Variants in SLC66A2 observed in about 807,000 individuals in gnomAD.
The protein encoded by SLC66A2 is PQ loop repeat containing 1.
Under a neutral mutation model 25.5 loss-of-function variants are expected in SLC66A2, and 23 were observed. The observed-to-expected ratio is 0.90, with a 90% CI of 0.65 to 1.28. The LOEUF (loss-of-function observed/expected upper bound fraction) is 1.28, where lower values mean the gene tolerates loss of function less well. SLC66A2 is among the 50% of genes most tolerant of loss of function. The probability of loss-of-function intolerance (pLI) is 0.00; values close to 1 mark genes in which losing one functional copy is unlikely to be tolerated. For synonymous variants in SLC66A2, 193 were observed against 166.5 expected, an observed-to-expected ratio of 1.16 and a Z score of -1.23; for missense variants, 396 against 373.1, an observed-to-expected ratio of 1.06 and a Z score of -0.51.
rs759347267 is a variant in SLC66A2 at position 79,919,353 on chromosome 18, C to T, written c.439G>A (p.Val147Met). Residue 147 changes from valine to methionine, a missense_variant, in exon 5 of 6, where the codon GTG (valine) becomes ATG (methionine). Coordinates refer to ENST00000397778, the MANE Select transcript of SLC66A2 (RefSeq NM_025078.5). ...CCCGTGAAGGCCAGGACGCACTGCACGTAGTCCGAGAAGCTGCTCCACTGC... is the reference window on the plus strand; with the variant it reads ...CCCGTGAAGGCCAGGACGCACTGCATGTAGTCCGAGAAGCTGCTCCACTGC... ...FWQWSSFSDY[V>M]QCVLAFTGVA... is the part of the protein sequence containing the mutation. 9 of 1,613,122 alleles carry T rather than the reference C, an allele frequency of 5.6e-6. No homozygotes were observed. Among genetic ancestry groups the T allele is most frequent in the Admixed American group, 3.3e-5 (2 of 60,012 alleles).
At chr18:79,947,809 G>A (rs975847915) in intron 2 of SLC66A2, among the ~76,000 whole-genome samples, 3 of 150,242 alleles carry the variant, frequency 2.0e-5, no homozygotes, top group South Asian at 2.1e-4. Context: ...ACAAAGCCTG[G>A]AGAGGGGAAG....
Position 79,950,737 on chromosome 18 carries a change from G to A in SLC66A2, c.190C>T (p.Arg64Trp). Residue 64 changes from arginine to tryptophan, a missense_variant, in exon 2 of 6, where the codon CGG becomes TGG. By Grantham distance (101) the Arg-to-Trp change is moderately radical. Transcript: ENST00000397778. Reference sequence around the variant, plus strand: ...CCCCCAACTTACCAGAAGAGTATCCGCAAAATGTTGGCCACCAGCAGCACC... The same window carrying A: ...CCCCCAACTTACCAGAAGAGTATCCACAAAATGTTGGCCACCAGCAGCACC... ...CLVLLVANILRILFWFGRRFE... is the reference protein window; with the variant it reads ...CLVLLVANILWILFWFGRRFE... The A allele has an allele frequency of 6.2e-7, 1 of 1,613,166 alleles. No homozygotes were observed. The highest frequency in any genetic ancestry group is 8.5e-7 in the Non-Finnish European group (1 of 1,179,938).
In SLC66A2 at chr18:79,903,773, T is replaced by G; in HGVS notation, c.*203A>C. On this transcript the variant is annotated 3_prime_UTR_variant, in exon 6 of 6. Transcript: ENST00000397778. ...CCCTCGGGGCCAGATCAACCCTGGC[T>G]GTCCCCGCTGAGCACAAACAGCGTC... 1.8e-6 allele frequency: 1 copy of G among 551,200 alleles called. No homozygotes were observed. Among genetic ancestry groups the G allele is most frequent in the Non-Finnish European group, 3.2e-6 (1 of 316,972 alleles). 34.1% of individuals were successfully genotyped at this position (551,200 alleles called of 1,614,324 possible). A position where few individuals can be genotyped will look rare whatever the true frequency, so the allele number is the denominator to read the frequency against.
At position 79,941,204 on chromosome 18, in the gene SLC66A2, G is replaced by A. The variant is rs760713332; in HGVS notation, c.337+2125C>T. 2.2e-4 allele frequency among the ~76,000 whole-genome samples: 33 copies of A among 152,166 alleles called. No individual in the cohort carries two copies. The highest frequency in any genetic ancestry group is 3.5e-4 in the Non-Finnish European group (24 of 68,014). On this transcript the variant is annotated intron_variant, in intron 3 of 5. Coordinates refer to ENST00000397778, the MANE Select transcript of SLC66A2 (RefSeq NM_025078.5). The surrounding 1 kb of genome is among the most constrained non-coding windows in gnomAD (Gnocchi z 4.1). Reference sequence around the variant, plus strand: ...AAGTACAGGCAGAACTCAGCTCCCCGTGGTCGGGGGCTCTGCTGCCTGTAA... The same window carrying A: ...AAGTACAGGCAGAACTCAGCTCCCCATGGTCGGGGGCTCTGCTGCCTGTAA...
intron 2 of SLC66A2, among the ~76,000 whole-genome samples, chr18:79,950,438 C>A (rs1191444193): frequency 6.6e-6 from 1 of 152,220 alleles, no homozygotes; most frequent in Admixed American, 6.5e-5. Flanking sequence ...TAGGCCAGTG[C>A]CCAGCTGAGA....
In SLC66A2 at chr18:79,904,310, C is replaced by A. The variant is rs2123166215; in HGVS notation, c.609-127G>T. The A allele has an allele frequency of 1.2e-6, 1 of 832,458 alleles. No homozygotes were observed. The highest frequency in any genetic ancestry group is 2.7e-5 in the East Asian group (1 of 37,396). 51.6% of individuals were successfully genotyped at this position (832,458 alleles called of 1,614,324 possible). On this transcript the variant is annotated intron_variant, in intron 5 of 5. Transcript: ENST00000397778. This position sits in a 1 kb window ranked among gnomAD's most constrained non-coding sequence, Gnocchi z 6.3. The stretch of plus-strand genomic sequence containing the variant: ...AGGGGCACCCAGGGGGCTAAGGGGA[C>A]CCCCAGGCAGTCGGCGGGGAGGCCT...
rs1259170197 is a variant in SLC66A2, at chr18:79,937,860, ACT to A, written c.338-3840_338-3839del. Among the ~76,000 whole-genome samples the A allele has an allele frequency of 7.2e-5, 11 of 152,110 alleles. No individual in the cohort carries two copies. Among genetic ancestry groups the A allele is most frequent in the African/African-American group, 2.7e-4 (11 of 41,488 alleles). ...CATCTCCACTGCAGGGCTTCCCAAAACTCAGCCTGCAGGAGTACTCAGCAATC... is the reference window on the plus strand; with the variant it reads ...CATCTCCACTGCAGGGCTTCCCAAAACAGCCTGCAGGAGTACTCAGCAATC... On this transcript the variant is annotated intron_variant, in intron 3 of 5. Transcript: ENST00000397778. This position sits in a 1 kb window ranked among gnomAD's most constrained non-coding sequence, Gnocchi z 5.4.
chr18:79,927,373 A>T lies in SLC66A2; in HGVS notation c.391+6596T>A, dbSNP rs1986080154. Reference sequence around the variant, plus strand: ...GAGGGACCTGAGGGGCACAGGCTACAGTCAGGAGAGCACAGACAAGAGGCC... The same window carrying T: ...GAGGGACCTGAGGGGCACAGGCTACTGTCAGGAGAGCACAGACAAGAGGCC... On this transcript the variant is annotated intron_variant, in intron 4 of 5. Coordinates refer to ENST00000397778, the MANE Select transcript of SLC66A2 (RefSeq NM_025078.5). The surrounding 1 kb of genome is among the most constrained non-coding windows in gnomAD (Gnocchi z 6.2). Among the ~76,000 whole-genome samples, 1 of 152,000 alleles carries T rather than the reference A, an allele frequency of 6.6e-6. No individual in the cohort carries two copies. Among genetic ancestry groups the T allele is most frequent in the African/African-American group, 2.4e-5 (1 of 41,296 alleles).
In SLC66A2 at chr18:79,919,377, G is replaced by T. The variant is rs1197135072; in HGVS notation, c.415C>A (p.Gln139Lys). The stretch of plus-strand genomic sequence containing the variant: ...ACGTAGTCCGAGAAGCTGCTCCACT[G>T]CCAGAAGTGGTGGGGGTCGAAGTCT... ...FLDFDPHHFW[Q>K]WSSFSDYVQC... is the part of the protein sequence containing the mutation. Residue 139 changes from glutamine (Q) to lysine (K), a missense_variant, in exon 5 of 6, where the codon CAG (glutamine) becomes AAG (lysine). Physicochemically the swap from Gln to Lys is moderately conservative, Grantham distance 53. Transcript: ENST00000397778. 1 of 1,613,082 alleles carries T rather than the reference G, an allele frequency of 6.2e-7. No individual in the cohort carries two copies. Among genetic ancestry groups the T allele is most frequent in the Non-Finnish European group, 8.5e-7 (1 of 1,179,972 alleles).
rs1981845817 is a variant in SLC66A2 at position 79,904,894 on chromosome 18, C to G, written c.609-711G>C. On this transcript the variant is annotated intron_variant, in intron 5 of 5. Transcript: ENST00000397778. The surrounding 1 kb of genome is among the most constrained non-coding windows in gnomAD (Gnocchi z 6.3). ...GCGGCCGCTGACCCTTCCACAGCTC[C>G]TGAAGCCAGAGGCAGAGCCTGGGTG... Among the ~76,000 whole-genome samples, 1 of 152,236 alleles carries G rather than the reference C, an allele frequency of 6.6e-6. No individual in the cohort carries two copies. The highest frequency in any genetic ancestry group is 1.5e-5 in the Non-Finnish European group (1 of 68,036).
intron 5 of SLC66A2, 113 bp downstream of exon 5, chr18:79,919,070 AG>A: frequency 2.1e-6 from 2 of 943,578 alleles, no homozygotes; most frequent in South Asian, 3.1e-5. Flanking sequence ...GCAGCTTCAC[AG>A]GTCAACGTGG....
At chr18:79,913,157 C>T (rs1334060516) in intron 5 of SLC66A2, among the ~76,000 whole-genome samples, 22 of 152,212 alleles carry the variant, frequency 1.4e-4, no homozygotes, top group Admixed American at 1.4e-3. Flanking sequence ...CTGCTGCAGG[C>T]ACCATGCCAC....
rs114419127 is a variant in SLC66A2, at chr18:79,937,023, G to A, written c.338-3001C>T. Among the ~76,000 whole-genome samples the A allele has an allele frequency of 1.2e-4, 18 of 152,230 alleles. No homozygotes were observed. In the East Asian group the frequency reaches 3.1e-3, roughly 26 times the overall value. On this transcript the variant is annotated intron_variant, in intron 3 of 5. Coordinates refer to ENST00000397778, the MANE Select transcript of SLC66A2 (RefSeq NM_025078.5). This position sits in a 1 kb window ranked among gnomAD's most constrained non-coding sequence, Gnocchi z 5.4. ...AAGGGAGGCAGAGCTCAGGCTAAGC[G>A]ACACAGCCAGGCCTGGAGGTTTGAA...
In SLC66A2 at chr18:79,918,052, AC is replaced by A. The variant is rs1174826882; in HGVS notation, c.608+1131del. Among the ~76,000 whole-genome samples, 1 of 149,954 alleles carries A rather than the reference AC, an allele frequency of 6.7e-6. No homozygotes were observed. Among genetic ancestry groups the A allele is most frequent in the Non-Finnish European group, 1.5e-5 (1 of 67,396 alleles). On this transcript the variant is annotated intron_variant, in intron 5 of 5. Transcript: ENST00000397778. The surrounding 1 kb of genome is among the most constrained non-coding windows in gnomAD (Gnocchi z 4.0). Reference sequence around the variant, plus strand: ...TAACCCTGGCCTGCACCTACATCTCACCCCCTACCACCACCCCACACCTACG... The same window carrying A: ...TAACCCTGGCCTGCACCTACATCTCACCCCTACCACCACCCCACACCTACG...
At chr18:79,942,069 G>T (rs1324145106) in intron 3 of SLC66A2, among the ~76,000 whole-genome samples, 2 of 152,224 alleles carry the variant, frequency 1.3e-5, no homozygotes, top group Non-Finnish European at 2.9e-5. Flanking sequence ...AGCCTTGCGG[G>T]GAGCAAGACC....
chr18:79,907,429 G>A (rs1445708946), intron 5 of SLC66A2, among the ~76,000 whole-genome samples: 1 of 136,546 alleles, frequency 7.3e-6, no homozygotes, highest in African/African-American at 2.7e-5. Flanking sequence ...TCAGCTCACT[G>A]CAAGCTCCGC....
chr18:79,951,105 G>A lies in SLC66A2; in HGVS notation c.-99-80C>T, dbSNP rs1408029703. The A allele has an allele frequency of 2.3e-5, 8 of 340,682 alleles. No individual in the cohort carries two copies. In the East Asian group the frequency reaches 3.6e-4, roughly 15 times the overall value. 21.1% of individuals were successfully genotyped at this position (340,682 alleles called of 1,614,324 possible). ...CACGGACCCGACCCGACCCGCGCCA[G>A]CCGCAGGACCCGAGGCAGAGCGGGG... On this transcript the variant is annotated intron_variant, in intron 1 of 5. Transcript: ENST00000397778.
chr18:79,914,576 T>C (rs1050768821), intron 5 of SLC66A2, among the ~76,000 whole-genome samples: 1 of 149,346 alleles, frequency 6.7e-6, no homozygotes, highest in Non-Finnish European at 1.5e-5. Context: ...GACACCCCCT[T>C]GCCCAAGCTG....
At chr18:79,933,219 C>T (rs752661468) in intron 4 of SLC66A2, among the ~76,000 whole-genome samples, 16 of 152,256 alleles carry the variant, frequency 1.1e-4, no homozygotes, top group East Asian at 1.9e-4. Context: ...TCAACAGACA[C>T]GAAAAGCATT....
Sources: gnomAD v4.1 joint callset for allele counts (sites outside exome capture counted in the v4.1 genomes callset) on GRCh38, gnomAD v4.1.1 for gene constraint, Gnocchi (gnomAD v3.1) non-coding constraint, MANE v1.5 for transcripts, NCBI Gene and HGNC (gene_info 2026-07-23, HGNC 2026-07-21) for gene names.